CNTNAP5: variants seen among roughly 807,000 people sequenced by gnomAD.
CNTNAP5 encodes contactin-associated protein-like 5.
In CNTNAP5, 72 loss-of-function variants were observed where a neutral mutation model predicts 150.2. The ratio of observed to expected loss-of-function variants is 0.48; its 90% CI spans 0.40 to 0.58. CNTNAP5 has a LOEUF of 0.58. CNTNAP5 is among the 20% of genes least tolerant of loss of function. CNTNAP5 has a pLI of 0.00. For missense variants in CNTNAP5, 1,636 were observed against 1,626.2 expected (o/e 1.01, Z -0.10); for synonymous variants, 672 against 619.8 (o/e 1.08, Z -1.25).
chr2:124,536,960 C>A (rs1462750279), intron 10 of CNTNAP5, among the ~76,000 whole-genome samples: 2 of 151,918 alleles, frequency 1.3e-5, no homozygotes, highest in Non-Finnish European at 2.9e-5. Context: ...AGAGACCAGA[C>A]ACATTAATAG....
At chr2:124,882,344 A>T (rs962149502) in intron 21 of CNTNAP5, among the ~76,000 whole-genome samples, 1 of 152,030 alleles carries the variant, frequency 6.6e-6, no homozygotes, top group East Asian at 1.9e-4. Context: ...AGATGACAGG[A>T]GGGGGGTGTG....
intron 17 of CNTNAP5, among the ~76,000 whole-genome samples, chr2:124,789,332 T>C (rs999363262): frequency 2.0e-5 from 3 of 152,212 alleles, no homozygotes; most frequent in African/African-American, 7.2e-5. Context: ...ATCTTTCACT[T>C]TTTTTGTATG....
chr2:124,031,306 T>C (rs950124400), intron 1 of CNTNAP5, among the ~76,000 whole-genome samples: 3 of 152,138 alleles, frequency 2.0e-5, no homozygotes, highest in Admixed American at 2.0e-4. Flanking sequence ...GCGTAAAACA[T>C]TGGGCAAGTG....
chr2:124,448,761 T>C (rs1270055959), intron 6 of CNTNAP5, among the ~76,000 whole-genome samples: 2 of 152,198 alleles, frequency 1.3e-5, no homozygotes, highest in Admixed American at 6.5e-5. Context: ...GTGCTACAGA[T>C]AAAATTATTC....
chr2:124,442,565 T>C (rs560717478), intron 5 of CNTNAP5, among the ~76,000 whole-genome samples: 1 of 152,306 alleles, frequency 6.6e-6, no homozygotes, highest in Admixed American at 6.5e-5. Context: ...AAATTTCAGT[T>C]GAAAGTACTT....
At chr2:124,144,058 T>C (rs1165949865) in intron 1 of CNTNAP5, among the ~76,000 whole-genome samples, 2 of 148,890 alleles carry the variant, frequency 1.3e-5, no homozygotes, top group African/African-American at 5.0e-5. Flanking sequence ...TTAAAGAGAA[T>C]AAAATACCTA....
chr2:124,760,101 C>T (rs1680927155), intron 14 of CNTNAP5, among the ~76,000 whole-genome samples: 1 of 151,858 alleles, frequency 6.6e-6, no homozygotes, highest in South Asian at 2.1e-4. Context: ...ACTGGCCATT[C>T]CTCCTTTGCA....
At position 124,858,620 on chromosome 2, in the gene CNTNAP5, ATAATGGGTTATACTTAAAG is replaced by A. The variant is rs1291551294; in HGVS notation, c.3218-6673_3218-6655del. ...ATCAATATCGTGAAAATCAAGTTAAATAATGGGTTATACTTAAAGTAATGGGTTATAAGTTAGTATTTGC... is the reference window on the plus strand; with the variant it reads ...ATCAATATCGTGAAAATCAAGTTAAATAATGGGTTATAAGTTAGTATTTGC... On this transcript the variant is annotated intron_variant, in intron 19 of 23. Coordinates refer to ENST00000682447, the MANE Select transcript of CNTNAP5 (RefSeq NM_001367498.1). Among the ~76,000 whole-genome samples, 3 of 152,304 alleles carry A rather than the reference ATAATGGGTTATACTTAAAG, an allele frequency of 2.0e-5. No homozygotes were observed. The East Asian group carries it at 5.8e-4, about 29-fold the overall frequency.
At chr2:124,782,521 G>C (rs553392977) in intron 17 of CNTNAP5, among the ~76,000 whole-genome samples, 1 of 152,300 alleles carries the variant, frequency 6.6e-6, no homozygotes, top group South Asian at 2.1e-4. Context: ...ACAAGCCATA[G>C]GTAGAAATGG....
intron 11 of CNTNAP5, among the ~76,000 whole-genome samples, chr2:124,582,122 A>G (rs960366287): frequency 6.6e-6 from 1 of 152,118 alleles, no homozygotes; most frequent in Non-Finnish European, 1.5e-5. Context: ...AATCTGGTGA[A>G]CTTTTCAGTG....
At chr2:124,340,901 G>GAC (rs915493764) in intron 3 of CNTNAP5, among the ~76,000 whole-genome samples, 165 of 138,048 alleles carry the variant, frequency 1.2e-3, no homozygotes, top group African/African-American at 3.6e-3. Flanking sequence ...TATATATATA[G>GAC]ACACACACAC....
At chr2:124,692,487 G>T (rs1679319058) in intron 13 of CNTNAP5, among the ~76,000 whole-genome samples, 1 of 151,922 alleles carries the variant, frequency 6.6e-6, no homozygotes, top group Admixed American at 6.6e-5. Flanking sequence ...GATCAAGTTT[G>T]TTAAACAGCA....
chr2:124,464,535 G>A (rs1693331347), intron 6 of CNTNAP5, among the ~76,000 whole-genome samples: 1 of 152,150 alleles, frequency 6.6e-6, no homozygotes, highest in Admixed American at 6.6e-5. Flanking sequence ...TAAAGTGACA[G>A]ACATCAGAAG....
chr2:124,187,053 C>T (rs570831065), intron 1 of CNTNAP5, among the ~76,000 whole-genome samples: 2 of 152,122 alleles, frequency 1.3e-5, no homozygotes, highest in Non-Finnish European at 2.9e-5. Context: ...GAAATGAAAG[C>T]ATCAGATTGA....
At chr2:124,540,578 T>C (rs1490246338) in intron 10 of CNTNAP5, among the ~76,000 whole-genome samples, 1 of 152,178 alleles carries the variant, frequency 6.6e-6, no homozygotes, top group Non-Finnish European at 1.5e-5. Flanking sequence ...CATCCAAAAG[T>C]GAGCAAGACA....
chr2:124,220,335 G>T (rs998386705), intron 1 of CNTNAP5, among the ~76,000 whole-genome samples: 3 of 152,068 alleles, frequency 2.0e-5, no homozygotes, highest in Admixed American at 2.0e-4. Flanking sequence ...ATTGGTAATA[G>T]TATACTGACT....
intron 19 of CNTNAP5, among the ~76,000 whole-genome samples, chr2:124,829,506 A>G (rs1573645157): frequency 6.6e-6 from 1 of 152,072 alleles, no homozygotes; most frequent in Admixed American, 6.6e-5. Context: ...CCTGCACCTA[A>G]CATAACATCT....
intron 1 of CNTNAP5, among the ~76,000 whole-genome samples, chr2:124,055,589 C>T (rs1396049994): frequency 6.6e-6 from 1 of 152,160 alleles, no homozygotes; most frequent in Non-Finnish European, 1.5e-5. Flanking sequence ...TCAACAGTGG[C>T]TGTCAGTTGC....
At chr2:124,663,636 G>A (rs1573532476) in intron 13 of CNTNAP5, among the ~76,000 whole-genome samples, 1 of 152,126 alleles carries the variant, frequency 6.6e-6, no homozygotes, top group East Asian at 1.9e-4. Context: ...AAAATCCTTT[G>A]GGGAATTGCC....
Sources: allele counts gnomAD v4.1 joint callset (sites outside exome capture counted in the v4.1 genomes callset), GRCh38; gene constraint gnomAD v4.1.1; transcripts MANE v1.5; gene names NCBI Gene and HGNC (gene_info 2026-07-23, HGNC 2026-07-21).